The following CHIT1 variants were observed in gnomAD, a reference collection of about 807,000 sequenced individuals.
CHIT1 encodes the protein chitotriosidase-1.
In CHIT1, 47 loss-of-function variants were observed where a neutral mutation model predicts 52.0. The ratio of observed to expected loss-of-function variants is 0.90; its 90% CI spans 0.71 to 1.15. The LOEUF (loss-of-function observed/expected upper bound fraction) is 1.15. Ranked by LOEUF, CHIT1 falls within the 50% of genes most tolerant of loss-of-function variation. The pLI, the probability that CHIT1 is intolerant of heterozygous loss-of-function variation, is 0.00. For synonymous variants in CHIT1, 242 were observed against 228.2 expected (o/e 1.06, Z -0.54); for missense variants, 569 against 583.0 (o/e 0.98, Z 0.25).
intron 4 of CHIT1, among the ~76,000 whole-genome samples, chr1:203,223,946 T>A (rs571053163): frequency 1.3e-5 from 2 of 152,260 alleles, no homozygotes; most frequent in South Asian, 4.1e-4. Flanking sequence ...AGAGGCTTCC[T>A]CCAAGCCCTT....
At position 203,222,404 on chromosome 1, in the gene CHIT1, C is replaced by T. The variant is rs962232497; in HGVS notation, c.606-79G>A. 12 of 1,601,878 alleles carry T rather than the reference C, an allele frequency of 7.5e-6. No individual in the cohort carries two copies. The African/African-American group carries it at 1.1e-4, about 14-fold the overall frequency. ...CCCTTCTTTCTCACTCCTACCCCCT[C>T]AGTGCATGGCCTAGGGAGGAACCAC... On this transcript the variant is annotated intron_variant, in intron 6 of 10. Transcript: ENST00000367229.
intron 4 of CHIT1, 142 bp downstream of exon 4, chr1:203,224,906 C>G: frequency 1.3e-6 from 1 of 751,380 alleles, no homozygotes; most frequent in Non-Finnish European, 2.3e-6. Flanking sequence ...GAAGGAAATT[C>G]AGCCCTCAGA....
chr1:203,225,071 T>A lies in CHIT1; in HGVS notation c.291A>T (p.Gly97=). The A allele has an allele frequency of 2.5e-6, 4 of 1,613,698 alleles. No homozygotes were observed. The South Asian group carries it at 4.4e-5, about 18-fold the overall frequency. Reference sequence around the variant, plus strand: ...ACTTCTGAGTGCCGAAATTCCAGCCTCCGATGGCTAACAGGGTCTTCAGCT... The same window carrying A: ...ACTTCTGAGTGCCGAAATTCCAGCCACCGATGGCTAACAGGGTCTTCAGCT... The part of the protein sequence containing the change: ...NPKLKTLLAI[G]GWNFGTQKFT... Residue 97 remains glycine, a synonymous_variant, in exon 4 of 11, where the codon GGA becomes GGT. Transcript: ENST00000367229.
chr1:203,226,583 C>G (rs149910955), intron 2 of CHIT1, among the ~76,000 whole-genome samples: 1 of 152,128 alleles, frequency 6.6e-6, no homozygotes, highest in Admixed American at 6.5e-5. Context: ...AGATAATCTA[C>G]GTTTATCAAT....
At chr1:203,229,323 A>G (rs1657048318) in intron 1 of CHIT1, among the ~76,000 whole-genome samples, 1 of 152,040 alleles carries the variant, frequency 6.6e-6, no homozygotes, top group Non-Finnish European at 1.5e-5. Flanking sequence ...GGCCTCATTG[A>G]CTCTGGGCTT....
chr1:203,227,845 A>G (rs1656981250), intron 2 of CHIT1, among the ~76,000 whole-genome samples: 1 of 152,166 alleles, frequency 6.6e-6, no homozygotes, highest in African/African-American at 2.4e-5. Context: ...TATGAGGCTG[A>G]GAGGGAAATG....
At chr1:203,224,746 C>T (rs1656862801) in intron 4 of CHIT1, among the ~76,000 whole-genome samples, 1 of 152,182 alleles carries the variant, frequency 6.6e-6, no homozygotes, top group Non-Finnish European at 1.5e-5. Flanking sequence ...GGGACCCTCC[C>T]TCTTCTCATT....
At position 203,225,734 on chromosome 1, in the gene CHIT1, G is replaced by A; in HGVS notation, c.192C>T (p.His64=). The change falls in exon 3 of 11, where the codon CAC becomes CAT. Residue 64 remains histidine (H), a synonymous_variant. Transcript: ENST00000367229. ...CATTCCACTCAGTGGTGCTCAGCTG[G>A]TGGTTGGTCATGCCAGCGAAGGCGT... ...LIYAFAGMTN[H]QLSTTEWNDE... is the part of the protein sequence containing the mutation. 1 of 1,614,192 alleles carries A rather than the reference G, an allele frequency of 6.2e-7. No individual in the cohort carries two copies. The highest frequency in any genetic ancestry group is 8.5e-7 in the Non-Finnish European group (1 of 1,180,036).
At position 203,223,214 on chromosome 1, in the gene CHIT1, C is replaced by T; in HGVS notation, c.526G>A (p.Glu176Lys). 1.9e-6 allele frequency: 3 copies of T among 1,614,240 alleles called. No homozygotes were observed. The highest frequency in any genetic ancestry group is 1.3e-5 in the African/African-American group (1 of 75,076). Residue 176 changes from glutamate to lysine, a missense_variant, in exon 6 of 11, where the codon GAA (glutamate) becomes AAA (lysine). By Grantham distance (56) the Glu-to-Lys change is moderately conservative. Coordinates refer to ENST00000367229, the MANE Select transcript of CHIT1 (RefSeq NM_003465.3). ...ACCGCTGCACTCAGAAGAAGGCGTT[C>T]CTTCCCTGAGGTCTGGGCTTCCTGC... ...FQQEAQTSGK[E>K]RLLLSAAVPA...
At chr1:203,219,930 G>C (rs1656673405) in intron 7 of CHIT1, 81 bp from the exon 8 acceptor site, 1 of 1,527,976 alleles carries the variant, frequency 6.5e-7, no homozygotes, top group Non-Finnish European at 8.9e-7. Context: ...CAGAGGCAGA[G>C]CTAGGAGGGC....
chr1:203,223,379 C>G (rs1277249900), intron 5 of CHIT1, 116 bp downstream of exon 5: 3 of 1,600,270 alleles, frequency 1.9e-6, no homozygotes, highest in Non-Finnish European at 1.7e-6. Flanking sequence ...TGATCTGTGC[C>G]ATGCAGATAC....
Position 203,228,548 on chromosome 1 carries a change from G to A in CHIT1, c.40C>T (p.Leu14=). The A allele has an allele frequency of 6.3e-7, 1 of 1,589,564 alleles. No individual in the cohort carries two copies. The highest frequency in any genetic ancestry group is 8.6e-7 in the Non-Finnish European group (1 of 1,166,006). Residue 14 remains leucine, a synonymous_variant, in exon 2 of 11, where the codon CTG becomes TTG. Coordinates refer to ENST00000367229, the MANE Select transcript of CHIT1 (RefSeq NM_003465.3). ...SVAWAGFMVL[L]MIPWGSAAKL... The stretch of plus-strand genomic sequence containing the variant: ...GGCTACTTACCCCATGGGATCATCA[G>A]CAGGACCATGAAACCTGGAGCAACA...
Position 203,223,367 on chromosome 1 carries a change from G to A in CHIT1, c.481-108C>T, listed in dbSNP as rs1335942953. The A allele has an allele frequency of 6.9e-6, 11 of 1,601,148 alleles. No homozygotes were observed. The East Asian group carries it at 8.9e-5, about 13-fold the overall frequency. On this transcript the variant is annotated intron_variant, in intron 5 of 10. Coordinates refer to ENST00000367229, the MANE Select transcript of CHIT1 (RefSeq NM_003465.3). The stretch of plus-strand genomic sequence containing the variant: ...TAGAAGTCTGAGAGCTGGCCACAGG[G>A]CTGATCTGTGCCATGCAGATACGTG...
chr1:203,216,846 C>T lies in CHIT1; in HGVS notation c.*43G>A. 1 of 1,612,818 alleles carries T rather than the reference C, an allele frequency of 6.2e-7. No homozygotes were observed. Among genetic ancestry groups the T allele is most frequent in the Non-Finnish European group, 8.5e-7 (1 of 1,179,982 alleles). ...CCAGGAGGCAGGCTGTAGAGTGATC[C>T]TGGGCCCAGCCTCAAAGCTGGGACT... On this transcript the variant is annotated 3_prime_UTR_variant, in exon 11 of 11. Transcript: ENST00000367229.
intron 2 of CHIT1, among the ~76,000 whole-genome samples, chr1:203,227,795 C>A (rs919145978): frequency 6.6e-6 from 1 of 152,206 alleles, no homozygotes; most frequent in Non-Finnish European, 1.5e-5. Context: ...CTCTCATCTT[C>A]CCCATGTTTG....
upstream of CHIT1, chr1:203,229,840 T>C: frequency 4.5e-6 from 3 of 664,582 alleles, no homozygotes; most frequent in Non-Finnish European, 5.5e-6. Context: ...TTAGCAATTC[T>C]TGCTTTTCTG....
At position 203,217,877 on chromosome 1, in the gene CHIT1, G is replaced by A. The variant is rs1357934814; in HGVS notation, c.1030-12C>T. ...TTCAGATAGCTGACCTGTGCAGGGAGGGGATGCAGTGGAGGAGCCCGGGGA... is the reference window on the plus strand; with the variant it reads ...TTCAGATAGCTGACCTGTGCAGGGAAGGGATGCAGTGGAGGAGCCCGGGGA... On this transcript the variant is annotated splice_polypyrimidine_tract_variant and intron_variant, in intron 9 of 10. Transcript: ENST00000367229. 5.9e-6 allele frequency: 8 copies of A among 1,363,684 alleles called. No homozygotes were observed. Among genetic ancestry groups the A allele is most frequent in the South Asian group, 1.6e-5 (1 of 62,082 alleles). 84.5% of individuals were successfully genotyped at this position (1,363,684 alleles called of 1,614,324 possible).
chr1:203,219,632 A>T (rs748722448), intron 8 of CHIT1, 32 bp downstream of exon 8: 1 of 1,612,342 alleles, frequency 6.2e-7, no homozygotes, highest in Non-Finnish European at 8.5e-7. Flanking sequence ...CCTGACCCTC[A>T]CAATACCCAG....
chr1:203,220,680 G>C (rs1656701831), intron 7 of CHIT1, among the ~76,000 whole-genome samples: 1 of 152,274 alleles, frequency 6.6e-6, no homozygotes, highest in East Asian at 1.9e-4. Flanking sequence ...TTAGCACTTA[G>C]GTAAAGAACA....
Sources: gnomAD v4.1 joint callset for allele counts (sites outside exome capture counted in the v4.1 genomes callset) on GRCh38, gnomAD v4.1.1 for gene constraint, MANE v1.5 for transcripts, NCBI Gene and HGNC (gene_info 2026-07-23, HGNC 2026-07-21) for gene names.